The following NFIB variants were observed in gnomAD, a reference collection of about 807,000 sequenced individuals.
NFIB encodes the protein nuclear factor 1 B-type.
In NFIB, 11 loss-of-function variants were observed where a neutral mutation model predicts 61.5. That is an observed-to-expected ratio of 0.18 (90% CI 0.11 to 0.30). The LOEUF is 0.30. Ranked by LOEUF, NFIB falls within the 10% of genes least tolerant of loss-of-function variation. The pLI, the probability that NFIB is intolerant of heterozygous loss-of-function variation, is 1.00. For missense variants in NFIB, 471 were observed against 608.9 expected, an observed-to-expected ratio of 0.77 and a Z score of 2.38; for synonymous variants, 260 against 216.5, an observed-to-expected ratio of 1.20 and a Z score of -1.76.
At chr9:14,434,522 A>G in the NFIB span, among the ~76,000 whole-genome samples, 2 of 152,188 alleles carry the variant, frequency 1.3e-5, no homozygotes, top group African/African-American at 4.8e-5. Flanking sequence ...TTTTCCTACT[A>G]GGGGAAGCCA....
the NFIB span, among the ~76,000 whole-genome samples, chr9:14,452,960 A>G: frequency 2.6e-5 from 4 of 152,302 alleles, no homozygotes; most frequent in East Asian, 5.8e-4. Context: ...TCTCAAAGGG[A>G]TTGAAAGTAT....
At chr9:14,325,008 G>C (rs1472217618) in intron 1 of NFIB, among the ~76,000 whole-genome samples, 3 of 151,980 alleles carry the variant, frequency 2.0e-5, no homozygotes, top group Non-Finnish European at 4.4e-5. Context: ...AATCTACAAC[G>C]TCGCCTGCTT....
chr9:14,491,851 A>G, the NFIB span, among the ~76,000 whole-genome samples: 1 of 152,186 alleles, frequency 6.6e-6, no homozygotes, highest in African/African-American at 2.4e-5. Flanking sequence ...TATCAAAATC[A>G]TGATGATGAA....
chr9:14,268,002 G>C (rs2132298004), intron 2 of NFIB, among the ~76,000 whole-genome samples: 1 of 151,978 alleles, frequency 6.6e-6, no homozygotes, highest in Admixed American at 6.6e-5. Flanking sequence ...CATGATGGCG[G>C]GTGCCTGTAA....
intron 3 of NFIB, among the ~76,000 whole-genome samples, chr9:14,156,832 A>G (rs993492175): frequency 2.4e-4 from 36 of 152,182 alleles, no homozygotes; most frequent in African/African-American, 8.4e-4. Context: ...AAATCCTCAG[A>G]ATTGAAATAC....
chr9:14,358,899 A>C (rs570175519), intron 1 of NFIB, among the ~76,000 whole-genome samples: 1 of 152,324 alleles, frequency 6.6e-6, no homozygotes, highest in African/African-American at 2.4e-5. Context: ...GAAGGTAATG[A>C]TACATCAACC....
At chr9:14,464,125 G>A in the NFIB span, among the ~76,000 whole-genome samples, 2 of 152,150 alleles carry the variant, frequency 1.3e-5, no homozygotes, top group Non-Finnish European at 2.9e-5. Context: ...AAATCTGGTA[G>A]TAGACAGAGA....
chr9:14,197,052 A>G (rs2048547365), intron 2 of NFIB, among the ~76,000 whole-genome samples: 1 of 152,220 alleles, frequency 6.6e-6, no homozygotes, highest in Admixed American at 6.5e-5. Context: ...TTTGTACTAA[A>G]TATGATAAAG....
intron 4 of NFIB, 25 bp from the exon 5 acceptor site, chr9:14,150,290 TG>T (rs1417410724): frequency 6.2e-7 from 1 of 1,612,650 alleles, no homozygotes; most frequent in Non-Finnish European, 8.5e-7. Context: ...AAAGAAGCAC[TG>T]GGAATGACAT....
chr9:14,501,226 G>GCC, the NFIB span, among the ~76,000 whole-genome samples: 1 of 152,048 alleles, frequency 6.6e-6, no homozygotes, highest in Non-Finnish European at 1.5e-5. Flanking sequence ...TTTAGAATCT[G>GCC]CCCTCTCTTT....
At chr9:14,161,627 C>T (rs1400070965) in intron 3 of NFIB, among the ~76,000 whole-genome samples, 1 of 151,894 alleles carries the variant, frequency 6.6e-6, no homozygotes, top group Non-Finnish European at 1.5e-5. Flanking sequence ...ATCTTTATGA[C>T]TATATATTGC....
At chr9:14,321,982 G>GT (rs2060672082) in intron 1 of NFIB, 2 of 1,229,166 alleles carry the variant, frequency 1.6e-6, no homozygotes, top group Admixed American at 4.3e-5. Context: ...TCTTGAGTCT[G>GT]TAACAGAACC....
chr9:14,150,086 T>C, intron 5 of NFIB, 59 bp downstream of exon 5: 1 of 1,603,478 alleles, frequency 6.2e-7, no homozygotes, highest in Non-Finnish European at 8.5e-7. Context: ...CTGCCTATCA[T>C]CCACCTACGA....
chr9:14,137,600 T>A (rs2041211580), intron 6 of NFIB, among the ~76,000 whole-genome samples: 1 of 152,158 alleles, frequency 6.6e-6, no homozygotes, highest in African/African-American at 2.4e-5. Flanking sequence ...GTTACTGAAG[T>A]TAAGTGATTT....
chr9:14,222,094 G>C (rs1313407874), intron 2 of NFIB, among the ~76,000 whole-genome samples: 1 of 152,098 alleles, frequency 6.6e-6, no homozygotes, highest in Non-Finnish European at 1.5e-5. Context: ...CAATGCACTG[G>C]TGCTCTCAGA....
intron 1 of NFIB, among the ~76,000 whole-genome samples, chr9:14,323,201 C>A (rs1408674683): frequency 1.3e-5 from 2 of 151,796 alleles, no homozygotes; most frequent in Non-Finnish European, 2.9e-5. Context: ...ACGCGAATAT[C>A]AAAAAAATAG....
At chr9:14,141,281 T>A (rs1044391385) in intron 6 of NFIB, among the ~76,000 whole-genome samples, 11 of 152,136 alleles carry the variant, frequency 7.2e-5, no homozygotes, top group African/African-American at 2.7e-4. Context: ...TGTATAAAAA[T>A]TAGTAGTTTT....
At chr9:14,191,075 C>T (rs2047896752) in intron 2 of NFIB, among the ~76,000 whole-genome samples, 1 of 152,058 alleles carries the variant, frequency 6.6e-6, no homozygotes, top group African/African-American at 2.4e-5. Context: ...TGCCTGTAGT[C>T]CCAGCTACTT....
intron 6 of NFIB, among the ~76,000 whole-genome samples, chr9:14,129,012 A>G (rs1222418185): frequency 1.3e-5 from 2 of 152,158 alleles, no homozygotes; most frequent in African/African-American, 4.8e-5. Flanking sequence ...TTATGGGTCC[A>G]TTTATTTTTT....
Sources: gnomAD v4.1 joint callset for allele counts (sites outside exome capture counted in the v4.1 genomes callset) on GRCh38, gnomAD v4.1.1 for gene constraint, MANE v1.5 for transcripts, NCBI Gene and HGNC (gene_info 2026-07-23, HGNC 2026-07-21) for gene names.